MICAL2: variants seen among roughly 807,000 people sequenced by gnomAD.
MICAL2 encodes [F-actin]-monooxygenase MICAL2.
MICAL2 carries 77 observed loss-of-function variants against 127.3 expected under a neutral mutation model. That is an observed-to-expected ratio of 0.60 (90% confidence interval 0.50 to 0.73). MICAL2 has a LOEUF of 0.73. Among genes scored for constraint, MICAL2 ranks in the 30% least tolerant of loss-of-function variants. MICAL2 has a pLI of 0.00. For missense variants in MICAL2, 1,351 were observed against 1,434.4 expected (o/e 0.94, Z 0.94); for synonymous variants, 570 against 551.1 (o/e 1.03, Z -0.48).
intron 3 of MICAL2, chr11:12,195,819 T>C (rs904559008): frequency 6.6e-6 from 1 of 152,032 alleles, no homozygotes; most frequent in African/African-American, 2.4e-5. Context: ...GTGAAGCTAG[T>C]ACAGCTGGAG....
chr11:12,294,322 G>A (rs1208599617), downstream of MICAL2: 2 of 1,614,184 alleles, frequency 1.2e-6, no homozygotes, highest in Admixed American at 3.3e-5. Flanking sequence ...CCTGGGCCAA[G>A]CAAGAATCCA....
intron 2 of MICAL2, among the ~76,000 whole-genome samples, chr11:12,155,329 TATACACATACATGTAC>T (rs553927324): frequency 6.6e-4 from 101 of 152,248 alleles, no homozygotes; most frequent in African/African-American, 2.3e-3. Flanking sequence ...CACACGCACA[TATACACATACATGTAC>T]ATACACATGC....
intron 32 of MICAL2, among the ~76,000 whole-genome samples, chr11:12,337,563 T>A (rs1196143536): frequency 2.0e-5 from 3 of 152,310 alleles, no homozygotes; most frequent in Non-Finnish European, 2.9e-5. Context: ...CAATTTTAGA[T>A]CTTTCCTGCT....
intron 8 of MICAL2, among the ~76,000 whole-genome samples, chr11:12,217,544 A>T (rs958355598): frequency 6.6e-6 from 1 of 152,066 alleles, no homozygotes; most frequent in African/African-American, 2.4e-5. Flanking sequence ...TGCCTCCTGA[A>T]GTTGCCGCCT....
Position 12,220,225 on chromosome 11 carries a change from C to T in MICAL2, c.973C>T (p.Leu325=). 1 of 1,614,184 alleles carries T rather than the reference C, an allele frequency of 6.2e-7. No homozygotes were observed. Among genetic ancestry groups the T allele is most frequent in the Non-Finnish European group, 8.5e-7 (1 of 1,180,038 alleles). ...INDYIDTEML[L]CAENVNQDNL... ...GGACTACATCGACACAGAGATGCTG[C>T]TGTGTGCGGAGAACGTGAACCAAGA... The change falls in exon 9 of 28, where the codon CTG becomes TTG. Residue 325 remains leucine (L), a synonymous_variant. Coordinates refer to ENST00000683283, the MANE Select transcript of MICAL2 (RefSeq NM_001282663.2).
intron 2 of MICAL2, among the ~76,000 whole-genome samples, chr11:12,285,611 A>G (rs927042046): frequency 1.4e-4 from 21 of 152,236 alleles, no homozygotes; most frequent in Non-Finnish European, 2.2e-4. Context: ...TCTCAGTTAT[A>G]ATTTTTGCAA....
chr11:12,301,302 G>A (rs1344744844), intron 29 of MICAL2, among the ~76,000 whole-genome samples: 2 of 152,102 alleles, frequency 1.3e-5, no homozygotes, highest in Admixed American at 1.3e-4. Flanking sequence ...TTCTTTGGAG[G>A]GGATTTATCC....
At chr11:12,285,748 G>T (rs1427799230) in intron 2 of MICAL2, among the ~76,000 whole-genome samples, 2 of 152,246 alleles carry the variant, frequency 1.3e-5, no homozygotes, top group African/African-American at 2.4e-5. Flanking sequence ...GAGTTCCACT[G>T]TGAGACCTGG....
intron 29 of MICAL2, among the ~76,000 whole-genome samples, chr11:12,298,605 A>ACT (rs1864012665): frequency 6.6e-6 from 1 of 152,162 alleles, no homozygotes; most frequent in East Asian, 1.9e-4. Flanking sequence ...TTCCCAGTTA[A>ACT]GCATGGTAAC....
intron 2 of MICAL2, among the ~76,000 whole-genome samples, chr11:12,152,297 CAAAA>C (rs540812572): frequency 3.4e-4 from 13 of 38,390 alleles, no homozygotes; most frequent in Non-Finnish European, 5.7e-4. Context: ...GACTCTGTCT[CAAAA>C]AAAAAAAAAA....
At chr11:12,358,543 A>G (rs182189567), downstream of MICAL2, 44 of 1,484,272 alleles carry the variant, frequency 3.0e-5, no homozygotes, top group East Asian at 9.8e-4. Flanking sequence ...TGCACCACAC[A>G]CCCTCATGGG....
Position 12,312,959 on chromosome 11 carries a change from G to A in MICAL2, c.5213-6737G>A, listed in dbSNP as rs147685989. 6.3e-3 allele frequency among the ~76,000 whole-genome samples: 954 copies of A among 152,134 alleles called. 15 individuals are homozygous for A. Among genetic ancestry groups the A allele is most frequent in the African/African-American group, 0.021 (874 of 41,490 alleles). ...AGATGGGCGGATCACAAGGTCAGGA[G>A]ATCGAGACCATTCTGACTAACACGG... is the stretch of plus-strand genomic sequence containing the variant. On this transcript the variant is annotated intron_variant, in intron 29 of 34. Transcript: ENST00000646065.
intron 3 of MICAL2, among the ~76,000 whole-genome samples, chr11:12,193,414 C>G (rs918367491): frequency 3.9e-5 from 6 of 152,234 alleles, no homozygotes; most frequent in African/African-American, 1.4e-4. Flanking sequence ...CTGACCTTTT[C>G]TCATACAGAT....
chr11:12,360,874 C>CA (rs1161947482), downstream of MICAL2, among the ~76,000 whole-genome samples: 1 of 152,196 alleles, frequency 6.6e-6, no homozygotes, highest in East Asian at 1.9e-4. Flanking sequence ...TTCACTAGTA[C>CA]ATAAAAACCA....
intron 3 of MICAL2, among the ~76,000 whole-genome samples, chr11:12,178,654 G>A (rs1294510028): frequency 6.6e-6 from 1 of 152,112 alleles, no homozygotes; most frequent in African/African-American, 2.4e-5. Flanking sequence ...CAAGTAACAG[G>A]AGACTAGATG....
At chr11:12,294,609 G>T (rs1172453419), downstream of MICAL2, 3 of 1,614,154 alleles carry the variant, frequency 1.9e-6, no homozygotes, top group Non-Finnish European at 1.7e-6. Context: ...CCAAAGAAAA[G>T]AATCTCACTT....
chr11:12,288,174 A>G (rs1638989001), downstream of MICAL2, among the ~76,000 whole-genome samples: 2 of 152,340 alleles, frequency 1.3e-5, no homozygotes, highest in South Asian at 2.1e-4. Flanking sequence ...AGGACAGCCT[A>G]GAGTCACTCC....
intron 2 of MICAL2, among the ~76,000 whole-genome samples, chr11:12,139,514 C>T (rs1438193837): frequency 1.3e-5 from 2 of 152,102 alleles, no homozygotes; most frequent in Non-Finnish European, 2.9e-5. Context: ...GGGCAGCCGG[C>T]GTGCATGTCA....
At chr11:12,304,647 C>CACACAT (rs1555019701) in intron 29 of MICAL2, among the ~76,000 whole-genome samples, 8,235 of 120,606 alleles carry the variant, frequency 0.068, 426 homozygotes, top group African/African-American at 0.13. Context: ...AACACACACA[C>CACACAT]ACACACACAC....
Sources: allele counts gnomAD v4.1 joint callset (sites outside exome capture counted in the v4.1 genomes callset), GRCh38; gene constraint gnomAD v4.1.1; transcripts MANE v1.5; gene names NCBI Gene and HGNC (gene_info 2026-07-23, HGNC 2026-07-21).